The following MDN1 variants were observed in gnomAD, a reference collection of about 807,000 sequenced individuals.
The protein encoded by MDN1 is midasin.
In MDN1, 266 loss-of-function variants were observed where a neutral mutation model predicts 669.2. The ratio of observed to expected loss-of-function variants is 0.40; its 90% confidence interval spans 0.36 to 0.44. The LOEUF is 0.44. Among genes scored for constraint, MDN1 ranks in the 20% least tolerant of loss-of-function variants. The pLI is 1.00. For synonymous variants in MDN1, 2,385 were observed against 2,457.1 expected (o/e 0.97, Z 0.87); for missense variants, 5,940 against 6,754.0 (o/e 0.88, Z 4.22).
chr6:89,714,693 C>T lies in MDN1; in HGVS notation c.6919G>A (p.Gly2307Arg). 6.2e-7 allele frequency: 1 copy of T among 1,614,060 alleles called. No individual in the cohort carries two copies. Among genetic ancestry groups the T allele is most frequent in the Non-Finnish European group, 8.5e-7 (1 of 1,179,986 alleles). Reference protein sequence around the residue: ...GDISRAMRNRGLEIYISGEGD... With the variant: ...GDISRAMRNRRLEIYISGEGD... ...TCCCCTGAAATGTAGATTTCAAGTC[C>T]ACGATTCCTCATAGCTCGGGATATA... The change falls in exon 46 of 102, where the codon GGA becomes AGA. Residue 2307 changes from glycine (G) to arginine (R), a missense_variant. Gly to Arg is a moderately radical substitution (Grantham distance 125, BLOSUM62 -2). This residue lies in a region of MDN1 where 2,292 missense variants were observed against 2,638.3 expected (regional missense o/e 0.87). Transcript: ENST00000369393.
chr6:89,693,063 A>G lies in MDN1; in HGVS notation c.9967T>C (p.Tyr3323His), dbSNP rs758700986. Residue 3323 changes from tyrosine (Y) to histidine (H), a missense_variant, in exon 63 of 102, where the codon TAC (tyrosine) becomes CAC (histidine). Transcript: ENST00000369393. ...TGGATCTCCTGAACCAGGGACTCGT[A>G]GGCAGGCAGCTGGGGTCTAAAGGCC... ...KQAFRPQLPA[Y>H]ESLVQEIHHY... is the part of the protein sequence containing the mutation. 5 of 1,614,160 alleles carry G rather than the reference A, an allele frequency of 3.1e-6. No homozygotes were observed. Among genetic ancestry groups the G allele is most frequent in the Non-Finnish European group, 4.2e-6 (5 of 1,180,000 alleles).
chr6:89,658,456 C>T (rs1809486737), intron 89 of MDN1, 86 bp from the exon 90 acceptor site: 3 of 1,574,612 alleles, frequency 1.9e-6, no homozygotes, highest in Non-Finnish European at 2.6e-6. Flanking sequence ...GGCTTCCCCA[C>T]TCCTCACTAA....
At position 89,645,070 on chromosome 6, in the gene MDN1, G is replaced by A. The variant is rs34750131; in HGVS notation, c.16547C>T (p.Ala5516Val). ...GATGACAAAGATATTTGCATTCCGG[G>A]CAGCCTGAACTGCTGCCAGGACTCT... The part of the protein sequence containing the change: ...KERVLAAVQA[A>V]RNANIFVIFV... The change falls in exon 101 of 102, where the codon GCC becomes GTC. Residue 5516 changes from alanine to valine, a missense_variant. Physicochemically the swap from Ala to Val is moderately conservative, Grantham distance 64. Around this residue, in one of 5 missense-constraint regions of MDN1, gnomAD observed 2,280 missense variants for 2,576.3 expected, o/e 0.88. Coordinates refer to ENST00000369393, the MANE Select transcript of MDN1 (RefSeq NM_014611.3). The A allele has an allele frequency of 3.0e-3, 4,771 of 1,610,774 alleles. 8 individuals carry two copies. Among genetic ancestry groups the A allele is most frequent in the Non-Finnish European group, 3.4e-3 (3,948 of 1,177,208 alleles).
At chr6:89,670,152 A>ATTTTT (rs1243151683) in intron 83 of MDN1, among the ~76,000 whole-genome samples, 1 of 21,294 alleles carries the variant, frequency 4.7e-5, no homozygotes, top group East Asian at 6.3e-3. Context: ...ATATATATAT[A>ATTTTT]TATATATATA....
At chr6:89,798,265 G>A (rs1819720058) in intron 2 of MDN1, among the ~76,000 whole-genome samples, 1 of 151,544 alleles carries the variant, frequency 6.6e-6, no homozygotes, top group Non-Finnish European at 1.5e-5. Context: ...TGTAATCCCA[G>A]CACTTTAAGA....
At chr6:89,730,690 G>C in intron 35 of MDN1, 36 bp downstream of exon 35, 1 of 1,563,216 alleles carries the variant, frequency 6.4e-7, no homozygotes, top group Non-Finnish European at 8.7e-7. Flanking sequence ...ATGATCTATA[G>C]AAAAGGAAAA....
In MDN1 at chr6:89,656,185, A is replaced by G. The variant is rs183580128; in HGVS notation, c.15286-217T>C. On this transcript the variant is annotated intron_variant, in intron 91 of 101. Transcript: ENST00000369393. ...TTATATCTAAAATGAAGGCAAAGAA[A>G]CACACTTTCACACATCCATATATGT... Among the ~76,000 whole-genome samples, 66 of 152,310 alleles carry G rather than the reference A, an allele frequency of 4.3e-4. 1 individual carries two copies. In the East Asian group the frequency reaches 0.012, roughly 29 times the overall value.
intron 1 of MDN1, among the ~76,000 whole-genome samples, chr6:89,813,883 A>G (rs1173138928): frequency 6.6e-6 from 1 of 151,542 alleles, no homozygotes; most frequent in Non-Finnish European, 1.5e-5. Flanking sequence ...GTTTGAGACC[A>G]GCCTAGGCAA....
At chr6:89,684,213 T>G (rs1811845879) in intron 71 of MDN1, among the ~76,000 whole-genome samples, 1 of 151,894 alleles carries the variant, frequency 6.6e-6, no homozygotes, top group African/African-American at 2.4e-5. Flanking sequence ...CTTGGTGGCT[T>G]GCACCTGTAG....
chr6:89,777,581 T>G (rs992397134), intron 11 of MDN1, among the ~76,000 whole-genome samples: 11 of 152,150 alleles, frequency 7.2e-5, no homozygotes, highest in Non-Finnish European at 1.6e-4. Flanking sequence ...AAAATGTAGG[T>G]GTAGTTTCTA....
intron 27 of MDN1, 35 bp from the exon 28 acceptor site, chr6:89,745,661 CA>C: frequency 6.3e-7 from 1 of 1,595,962 alleles, no homozygotes; most frequent in South Asian, 1.1e-5. Flanking sequence ...GGAGAGGAAT[CA>C]TCAAGTGTCT....
At chr6:89,704,205 A>G (rs925945140) in intron 53 of MDN1, among the ~76,000 whole-genome samples, 1 of 151,798 alleles carries the variant, frequency 6.6e-6, no homozygotes, top group Non-Finnish European at 1.5e-5. Flanking sequence ...ACATGGTGAA[A>G]CCCCGTCTCC....
chr6:89,807,834 C>CT (rs1412294780), intron 1 of MDN1, among the ~76,000 whole-genome samples: 3 of 152,188 alleles, frequency 2.0e-5, no homozygotes, highest in African/African-American at 7.2e-5. Context: ...TTCTTGTGAA[C>CT]TGTCTAATCT....
intron 71 of MDN1, 114 bp from the exon 72 acceptor site, chr6:89,684,018 G>A (rs1322610513): frequency 1.3e-6 from 1 of 764,608 alleles, no homozygotes. Flanking sequence ...ACACAGGACT[G>A]TGTGTCAGTG....
At chr6:89,726,482 G>GAAAAAAAAAAAAAAAAAA (rs201576721) in intron 37 of MDN1, among the ~76,000 whole-genome samples, 1 of 90,946 alleles carries the variant, frequency 1.1e-5, no homozygotes, top group African/African-American at 4.1e-5. Context: ...AAGAAAAATA[G>GAAAAAAAAAAAAAAAAAA]AAAAAAAAAA....
chr6:89,705,815 G>C (rs1025585519), intron 53 of MDN1, among the ~76,000 whole-genome samples: 7 of 151,978 alleles, frequency 4.6e-5, no homozygotes, highest in Non-Finnish European at 7.4e-5. Context: ...CTGTGATAAT[G>C]GTTTCACAGG....
At chr6:89,652,363 G>T in intron 94 of MDN1, 82 bp from the exon 95 acceptor site, 1 of 1,025,974 alleles carries the variant, frequency 9.7e-7, no homozygotes, top group Non-Finnish European at 1.5e-6. Flanking sequence ...CCGCCCTACA[G>T]TATGAACTCA....
At position 89,653,061 on chromosome 6, in the gene MDN1, C is replaced by G. The variant is rs766596768; in HGVS notation, c.15756G>C (p.Glu5252Asp). The change falls in exon 94 of 102, where the codon GAG (glutamate) becomes GAC (aspartate). Residue 5252 changes from glutamate (E) to aspartate (D), a missense_variant. Transcript: ENST00000369393. ...TAGACTCTCGGCTTCTTTCTGGTTT[C>G]TCATTTTCTGTCTCCTTATGGGCTT... ...TDKAHKETEN[E>D]KPERSRESTI... 2.2e-5 allele frequency: 36 copies of G among 1,614,016 alleles called. No homozygotes were observed. Among genetic ancestry groups the G allele is most frequent in the Admixed American group, 3.3e-5 (2 of 59,996 alleles).
Position 89,819,664 on chromosome 6 carries a change from C to CCCCGAGGTCCCAGTG in MDN1, c.-58_-57insCACTGGGACCTCGGG. On this transcript the variant is annotated 5_prime_UTR_variant, in exon 1 of 102. Transcript: ENST00000369393. ...GCGCTCCCTACTTCGCGGCCAGCGT[C>CCCCGAGGTCCCAGTG]CCCAAGCCGCCGAGGTCCCAGTGCC... is the stretch of plus-strand genomic sequence containing the variant. 6.8e-7 allele frequency: 1 copy of CCCCGAGGTCCCAGTG among 1,464,282 alleles called. No individual in the cohort carries two copies. Among genetic ancestry groups the CCCCGAGGTCCCAGTG allele is most frequent in the Non-Finnish European group, 9.4e-7 (1 of 1,058,490 alleles). 90.7% of individuals were successfully genotyped at this position (1,464,282 alleles called of 1,614,324 possible).
Sources: allele counts gnomAD v4.1 joint callset (sites outside exome capture counted in the v4.1 genomes callset), GRCh38; gene constraint gnomAD v4.1.1; regional missense constraint gnomAD v4.1.1; transcripts MANE v1.5; gene names NCBI Gene and HGNC (gene_info 2026-07-23, HGNC 2026-07-21).